WBP2: variants seen among roughly 807,000 people sequenced by gnomAD.
The protein encoded by WBP2 is WW domain binding protein 2.
WBP2 carries 23 observed loss-of-function variants against 33.0 expected under a neutral mutation model. The observed-to-expected ratio is 0.70, with a 90% CI of 0.50 to 0.99. The LOEUF (loss-of-function observed/expected upper bound fraction) is 0.99. WBP2 is among the 50% of genes least tolerant of loss of function. WBP2 has a pLI of 0.00. For synonymous variants in WBP2, 153 were observed against 133.5 expected (o/e 1.15, Z -1.01); for missense variants, 353 against 358.0 (o/e 0.99, Z 0.11).
upstream of WBP2, among the ~76,000 whole-genome samples, chr17:75,855,759 A>G: frequency 6.6e-6 from 1 of 152,232 alleles, no homozygotes; most frequent in East Asian, 1.9e-4. Context: ...CGACCTGGAC[A>G]TGGCGTGGGA....
chr17:75,848,493 C>T (rs1033754869), intron 4 of WBP2, 77 bp downstream of exon 4: 22 of 1,422,492 alleles, frequency 1.5e-5, no homozygotes, highest in Non-Finnish European at 2.0e-5. Flanking sequence ...AAAAGCAAAA[C>T]GAAAAGGAAG....
chr17:75,847,795 C>G lies in WBP2; in HGVS notation c.532+1G>C, dbSNP rs763314564. On this transcript the variant is annotated splice_donor_variant, in intron 5 of 7. Coordinates refer to ENST00000254806, the MANE Select transcript of WBP2 (RefSeq NM_012478.4). LOFTEE classifies it high-confidence loss of function. ...GTGGGGGCAGCAAAGGACACACTCA[C>G]CAGGTGGGGGCGGTGGATAGGGGTA... 1.9e-6 allele frequency: 3 copies of G among 1,555,518 alleles called. No individual in the cohort carries two copies. In the Admixed American group the frequency reaches 5.8e-5, roughly 30 times the overall value.
chr17:75,849,597 C>G lies in WBP2; in HGVS notation c.304+7G>C. The G allele has an allele frequency of 6.2e-7, 1 of 1,613,930 alleles. No individual in the cohort carries two copies. Among genetic ancestry groups the G allele is most frequent in the Non-Finnish European group, 8.5e-7 (1 of 1,179,846 alleles). On this transcript the variant is annotated splice_region_variant and intron_variant, in intron 3 of 7. Transcript: ENST00000254806. Reference sequence around the variant, plus strand: ...CCCATGCGTGTCCCTGAGTTCCCATCACCTACCTCCCGCTTCCGCCTTCAC... The same window carrying G: ...CCCATGCGTGTCCCTGAGTTCCCATGACCTACCTCCCGCTTCCGCCTTCAC...
At chr17:75,855,928 C>T (rs557108875), upstream of WBP2, among the ~76,000 whole-genome samples, 13 of 152,354 alleles carry the variant, frequency 8.5e-5, no homozygotes, top group African/African-American at 3.1e-4. Flanking sequence ...TCCATCTCAC[C>T]ACTCCCAGCG....
chr17:75,848,248 C>A, intron 4 of WBP2: 1 of 582,326 alleles, frequency 1.7e-6, no homozygotes, highest in Non-Finnish European at 3.1e-6. Context: ...ATCCCTCGGT[C>A]ATTTTCAATG....
intron 2 of WBP2, among the ~76,000 whole-genome samples, chr17:75,850,223 C>T (rs2065019649): frequency 1.3e-5 from 2 of 150,324 alleles, no homozygotes; most frequent in Admixed American, 1.3e-4. Flanking sequence ...TGGAGAAACC[C>T]TTGGGTTTTA....
intron 2 of WBP2, 74 bp downstream of exon 2, chr17:75,851,494 G>T: frequency 2.6e-6 from 3 of 1,176,242 alleles, no homozygotes; most frequent in Non-Finnish European, 3.8e-6. Context: ...GGCTGAGGCA[G>T]ACCTGAGACT....
At chr17:75,856,343 T>TAA (rs1286406903), upstream of WBP2, 1 of 152,142 alleles carries the variant, frequency 6.6e-6, no homozygotes, top group Non-Finnish European at 1.5e-5. Flanking sequence ...GTTAAGGAAT[T>TAA]AGAGTTTGCT....
chr17:75,855,184 C>CCA, intron 1 of WBP2, 55 bp downstream of exon 1: 2 of 1,514,152 alleles, frequency 1.3e-6, no homozygotes, highest in Non-Finnish European at 1.8e-6. Context: ...ACCCACCGCC[C>CCA]ACTTCCTCGA....
At chr17:75,851,975 G>C (rs543389930) in intron 1 of WBP2, 1 of 235,188 alleles carries the variant, frequency 4.3e-6, no homozygotes, top group South Asian at 5.1e-5. Context: ...ACCGTGGCGG[G>C]CACCTGTAAT....
chr17:75,850,018 G>A (rs1254044585), intron 2 of WBP2, among the ~76,000 whole-genome samples: 1 of 152,178 alleles, frequency 6.6e-6, no homozygotes, highest in Admixed American at 6.6e-5. Context: ...GTGGTGGGGT[G>A]GTGGCAGTGT....
intron 1 of WBP2, 162 bp from the exon 2 acceptor site, chr17:75,851,838 A>C: frequency 2.0e-6 from 1 of 511,234 alleles, no homozygotes; most frequent in Non-Finnish European, 3.7e-6. Flanking sequence ...GCGGTGGCTC[A>C]CGCCCGTAAT....
chr17:75,854,596 C>G (rs2065046648), intron 1 of WBP2, among the ~76,000 whole-genome samples: 1 of 152,192 alleles, frequency 6.6e-6, no homozygotes, highest in Admixed American at 6.5e-5. Flanking sequence ...AGACACCTGA[C>G]AAACGTCATC....
chr17:75,849,418 T>C (rs1599422364), intron 3 of WBP2, 186 bp downstream of exon 3: 1 of 661,056 alleles, frequency 1.5e-6, no homozygotes. Flanking sequence ...TGAGCTGCTG[T>C]CTTTCATGCC....
At chr17:75,848,262 G>A (rs1289925956) in intron 4 of WBP2, 1 of 581,976 alleles carries the variant, frequency 1.7e-6, no homozygotes, top group Admixed American at 3.0e-5. Flanking sequence ...TTCAATGGCT[G>A]CGGAACCGCA....
chr17:75,855,713 C>A (rs2065054970), upstream of WBP2, among the ~76,000 whole-genome samples: 1 of 152,258 alleles, frequency 6.6e-6, no homozygotes, highest in African/African-American at 2.4e-5. Flanking sequence ...TTGGGGACTC[C>A]GGCAGCGCGT....
chr17:75,855,406 T>C, upstream of WBP2: 2 of 1,329,642 alleles, frequency 1.5e-6, no homozygotes, highest in Non-Finnish European at 2.1e-6. Flanking sequence ...AAAGCTCGAG[T>C]GCGGAGGCTG....
chr17:75,847,476 A>G lies in WBP2; in HGVS notation c.655+11T>C, dbSNP rs376957707. 48 of 1,590,390 alleles carry G rather than the reference A, an allele frequency of 3.0e-5. No individual in the cohort carries two copies. The African/African-American group carries it at 3.9e-4, about 13-fold the overall frequency. On this transcript the variant is annotated intron_variant, in intron 6 of 7. Transcript: ENST00000254806. ...GGTCCCGAAGGGCTGCCAGCACCCA[A>G]GGGCCCTCACCTGCAGGAGTGGAGG...
chr17:75,855,299 G>C lies in WBP2; in HGVS notation c.-2C>G, dbSNP rs758993864. ...CGAGTGATTCTTGTTGAGCGCCATA[G>C]TCTCTCCAACAGGGGTCCCGAGACT... On this transcript the variant is annotated 5_prime_UTR_variant, in exon 1 of 8. Coordinates refer to ENST00000254806, the MANE Select transcript of WBP2 (RefSeq NM_012478.4). The C allele has an allele frequency of 1.4e-5, 22 of 1,612,038 alleles. No homozygotes were observed. In the Middle Eastern group the frequency reaches 6.6e-4, roughly 48 times the overall value.
Sources: gnomAD v4.1 joint callset for allele counts (sites outside exome capture counted in the v4.1 genomes callset) on GRCh38, gnomAD v4.1.1 for gene constraint, MANE v1.5 for transcripts, NCBI Gene and HGNC (gene_info 2026-07-23, HGNC 2026-07-21) for gene names.